Variants in HDAC8 observed in about 807,000 individuals in gnomAD.
The protein encoded by HDAC8 is histone deacetylase 8.
In HDAC8, 1 loss-of-function variant was observed where a neutral mutation model predicts 32.2. That is an observed-to-expected ratio of 0.03 (90% CI 0.01 to 0.15). HDAC8 has a LOEUF of 0.15. HDAC8 is among the 10% of genes least tolerant of loss of function. The probability of loss-of-function intolerance (pLI) is 1.00; values close to 1 mark genes in which losing one functional copy is unlikely to be tolerated. For missense variants in HDAC8, 117 were observed against 300.0 expected, an observed-to-expected ratio of 0.39 and a Z score of 4.51; for synonymous variants, 108 against 113.9, an observed-to-expected ratio of 0.95 and a Z score of 0.33.
In HDAC8 at chrX:72,329,890, C is replaced by T. The variant is rs1276298143; in HGVS notation, c.*164G>A. The T allele has an allele frequency of 1.3e-6, 1 of 793,179 alleles. No homozygotes were observed. Among genetic ancestry groups the T allele is most frequent in the Non-Finnish European group, 1.8e-6 (1 of 547,713 alleles). 65.4% of individuals were successfully genotyped at this position (793,179 alleles called of 1,213,427 possible). A position where few individuals can be genotyped will look rare whatever the true frequency, so the allele number is the denominator to read the frequency against. ...GACTCTGGGGTGCCTGCCTCTTCAC[C>T]CCAGGAAGCCAGCTGCCACTTGATG... On this transcript the variant is annotated 3_prime_UTR_variant, in exon 11 of 11. Coordinates refer to ENST00000373573, the MANE Select transcript of HDAC8 (RefSeq NM_018486.3).
intron 4 of HDAC8, among the ~76,000 whole-genome samples, chrX:72,538,882 AAC>A (rs2147447842): frequency 1.8e-5 from 2 of 111,986 alleles, no homozygotes; most frequent in Admixed American, 1.9e-4. Context: ...AAATACATAA[AAC>A]ACACTGAAAA....
intron 9 of HDAC8, among the ~76,000 whole-genome samples, chrX:72,411,002 T>C (rs1180392145): frequency 1.9e-5 from 2 of 104,047 alleles, no homozygotes; most frequent in Non-Finnish European, 3.9e-5. Flanking sequence ...TGGAGTGTGG[T>C]CAGCTCTTTC....
At chrX:72,484,619 ATAGG>A (rs1344496955) in intron 7 of HDAC8, among the ~76,000 whole-genome samples, 1 of 112,211 alleles carries the variant, frequency 8.9e-6, no homozygotes, top group Non-Finnish European at 1.9e-5. Flanking sequence ...CTATAAAATG[ATAGG>A]TAGGATGAGA....
chrX:72,563,042 C>T (rs1199529362), intron 4 of HDAC8, among the ~76,000 whole-genome samples: 9 of 109,012 alleles, frequency 8.3e-5, no homozygotes, highest in African/African-American at 3.0e-4. Context: ...CCACCATACC[C>T]GGCTAATTTT....
At chrX:72,396,023 T>G (rs998040023) in intron 9 of HDAC8, among the ~76,000 whole-genome samples, 4 of 111,823 alleles carry the variant, frequency 3.6e-5, no homozygotes, top group South Asian at 7.6e-4. Flanking sequence ...GTGTTCTAGT[T>G]AAACCTTGAA....
intron 10 of HDAC8, among the ~76,000 whole-genome samples, chrX:72,337,405 G>A (rs950038112): frequency 8.0e-5 from 9 of 111,826 alleles, no homozygotes; most frequent in Non-Finnish European, 1.5e-4. Flanking sequence ...AGTGGACAGA[G>A]CAGACATAGA....
In HDAC8 at chrX:72,492,304, C is replaced by A. The variant is rs1270065416; in HGVS notation, c.551-1298G>T. ...AATGGTTTTGCTCTAATTTGCCTTT[C>A]TTTGAGTATTAGAGTGTTGAGCACC... is the stretch of plus-strand genomic sequence containing the variant. On this transcript the variant is annotated intron_variant, in intron 5 of 10. Coordinates refer to ENST00000373573, the MANE Select transcript of HDAC8 (RefSeq NM_018486.3). Among the ~76,000 whole-genome samples the A allele has an allele frequency of 3.6e-5, 4 of 111,835 alleles. No homozygotes were observed. In the East Asian group the frequency reaches 1.1e-3, roughly 32 times the overall value.
chrX:72,456,347 G>A (rs782148858), intron 9 of HDAC8, among the ~76,000 whole-genome samples: 6 of 111,807 alleles, frequency 5.4e-5, no homozygotes, highest in Non-Finnish European at 1.1e-4. Flanking sequence ...CAATAACAAT[G>A]TATCAAGAGG....
chrX:72,519,271 T>C (rs56126742), intron 4 of HDAC8, among the ~76,000 whole-genome samples: 639 of 112,283 alleles, frequency 5.7e-3, no homozygotes, highest in Middle Eastern at 0.018. Context: ...TATGAACATT[T>C]ATGTGCAAGT....
chrX:72,438,639 AAC>A (rs1415298918), intron 9 of HDAC8, among the ~76,000 whole-genome samples: 1 of 111,121 alleles, frequency 9.0e-6, no homozygotes, highest in Admixed American at 9.6e-5. Context: ...GGAGCTGAAA[AAC>A]ACAGCACGAG....
At chrX:72,473,791 C>A (rs1555998952) in intron 7 of HDAC8, 1 of 754,676 alleles carries the variant, frequency 1.3e-6, no homozygotes, top group Non-Finnish European at 1.6e-6. Flanking sequence ...TCTTCCCAAG[C>A]AAGCTTTGAT....
chrX:72,462,212 C>A (rs2047887225), intron 8 of HDAC8, 114 bp from the exon 9 acceptor site: 3 of 562,187 alleles, frequency 5.3e-6, no homozygotes, highest in Non-Finnish European at 8.6e-6. Context: ...CCTCAAATTG[C>A]AGAATTTCCC....
At chrX:72,393,409 A>C (rs782288041) in intron 9 of HDAC8, among the ~76,000 whole-genome samples, 1 of 112,124 alleles carries the variant, frequency 8.9e-6, no homozygotes, top group East Asian at 2.8e-4. Context: ...AGCGTGAACA[A>C]ACCCTTTGTG....
At chrX:72,474,433 G>A in intron 7 of HDAC8, 3 of 965,631 alleles carry the variant, frequency 3.1e-6, no homozygotes, top group Non-Finnish European at 3.9e-6. Context: ...TTTTGGGAAA[G>A]TTTCCCTAAC....
chrX:72,341,019 G>T (rs1294906410), intron 10 of HDAC8, among the ~76,000 whole-genome samples: 4 of 111,706 alleles, frequency 3.6e-5, no homozygotes, highest in African/African-American at 1.3e-4. Context: ...GAAGAGTGGG[G>T]TAGAGGGATT....
At chrX:72,471,422 T>C (rs782317547) in intron 7 of HDAC8, among the ~76,000 whole-genome samples, 11 of 112,285 alleles carry the variant, frequency 9.8e-5, no homozygotes. Context: ...TAGACTGTTT[T>C]CCACAGTGGG....
At position 72,507,859 on chromosome X, in the gene HDAC8, C is replaced by A. The variant is rs146542142; in HGVS notation, c.438-12591G>T. 5.9e-3 allele frequency among the ~76,000 whole-genome samples: 662 copies of A among 111,576 alleles called. 5 individuals carry two copies. Among genetic ancestry groups the A allele is most frequent in the African/African-American group, 0.02 (614 of 30,698 alleles). ...CAGATATATCTTGCTTCTTAAATAC[C>A]CTGGTGAATTATAAACCACAAAATC... On this transcript the variant is annotated intron_variant, in intron 4 of 10. Coordinates refer to ENST00000373573, the MANE Select transcript of HDAC8 (RefSeq NM_018486.3).
At chrX:72,569,639 C>T (rs1556146150) in intron 2 of HDAC8, among the ~76,000 whole-genome samples, 1 of 112,163 alleles carries the variant, frequency 8.9e-6, no homozygotes, top group African/African-American at 3.2e-5. Flanking sequence ...AACCTCTCAA[C>T]CTACTCCTCA....
chrX:72,509,163 C>A (rs2049488599), intron 4 of HDAC8, among the ~76,000 whole-genome samples: 1 of 108,389 alleles, frequency 9.2e-6, no homozygotes, highest in African/African-American at 3.4e-5. Context: ...TGCAGTGGTA[C>A]AATCTCAGCT....
Sources: allele counts gnomAD v4.1 joint callset (sites outside exome capture counted in the v4.1 genomes callset), GRCh38; gene constraint gnomAD v4.1.1; transcripts MANE v1.5; gene names NCBI Gene and HGNC (gene_info 2026-07-23, HGNC 2026-07-21).